The following RELN variants were observed in gnomAD, a reference collection of about 807,000 sequenced individuals.
RELN encodes reelin.
A neutral mutation model predicts 427.6 loss-of-function variants in RELN; 108 were observed. The ratio of observed to expected loss-of-function variants is 0.25; its 90% CI spans 0.22 to 0.30. The LOEUF (loss-of-function observed/expected upper bound fraction) is 0.30, where lower values mean the gene tolerates loss of function less well. Among genes scored for constraint, RELN ranks in the 10% least tolerant of loss-of-function variants. The probability of loss-of-function intolerance (pLI) is 1.00; values close to 1 mark genes in which losing one functional copy is unlikely to be tolerated. For synonymous variants in RELN, 1,524 were observed against 1,513.4 expected (o/e 1.01, Z -0.16); for missense variants, 3,715 against 4,302.8 (o/e 0.86, Z 3.82).
intron 28 of RELN, among the ~76,000 whole-genome samples, chr7:103,580,170 A>G (rs1279866264): frequency 2.0e-5 from 3 of 152,256 alleles, no homozygotes; most frequent in Non-Finnish European, 4.4e-5. Flanking sequence ...CTCATGGCAA[A>G]ACAGCTCCAA....
chr7:103,840,350 T>C (rs891815247), intron 2 of RELN, among the ~76,000 whole-genome samples: 19 of 152,240 alleles, frequency 1.2e-4, no homozygotes, highest in African/African-American at 4.6e-4. Context: ...TCCGTATTTG[T>C]TTTTATTTAC....
chr7:103,521,477 C>A (rs1829708302), intron 48 of RELN, among the ~76,000 whole-genome samples: 1 of 152,090 alleles, frequency 6.6e-6, no homozygotes, highest in Non-Finnish European at 1.5e-5. Flanking sequence ...ATTATTCTTT[C>A]CTGGACAACC....
chr7:103,987,632 G>T (rs556775669), intron 1 of RELN, among the ~76,000 whole-genome samples: 1 of 152,224 alleles, frequency 6.6e-6, no homozygotes, highest in South Asian at 2.1e-4. Flanking sequence ...AGAGTCGCAC[G>T]GAGCAGCAGG....
At chr7:103,614,594 A>ACTGTGGAACAGAAACAAG (rs566923366) in intron 20 of RELN, among the ~76,000 whole-genome samples, 1,721 of 152,320 alleles carry the variant, frequency 0.011, 46 homozygotes, top group African/African-American at 0.04. Context: ...GAAAAGTGAG[A>ACTGTGGAACAGAAACAAG]GAGCCTGGGT....
intron 28 of RELN, among the ~76,000 whole-genome samples, chr7:103,582,313 T>C (rs908298936): frequency 6.6e-6 from 1 of 152,258 alleles, no homozygotes; most frequent in African/African-American, 2.4e-5. Context: ...TCTGTCATAG[T>C]AGCTGGGTCT....
intron 11 of RELN, among the ~76,000 whole-genome samples, chr7:103,671,746 ACTGT>A (rs1329256199): frequency 1.2e-4 from 19 of 152,260 alleles, no homozygotes; most frequent in African/African-American, 4.1e-4. Context: ...CAAAAGATAA[ACTGT>A]CTGCACTTTA....
chr7:103,889,197 G>T lies in RELN; in HGVS notation c.337+27878C>A, dbSNP rs187332424. Among the ~76,000 whole-genome samples the T allele has an allele frequency of 8.4e-4, 128 of 152,308 alleles. 1 individual carries two copies. In the Middle Eastern group the frequency reaches 0.014, roughly 16 times the overall value. On this transcript the variant is annotated intron_variant, in intron 2 of 64. Transcript: ENST00000428762. Reference sequence around the variant, plus strand: ...AAGATCCCAGACTGCTTTAGAACATGAAAACAATCTATACTTCATGCAATG... The same window carrying T: ...AAGATCCCAGACTGCTTTAGAACATTAAAACAATCTATACTTCATGCAATG...
intron 2 of RELN, among the ~76,000 whole-genome samples, chr7:103,879,384 A>C (rs906004221): frequency 6.6e-6 from 1 of 152,322 alleles, no homozygotes; most frequent in Admixed American, 6.5e-5. Flanking sequence ...TGGAGTTATC[A>C]AGGGTAGAAA....
intron 8 of RELN, among the ~76,000 whole-genome samples, chr7:103,720,289 G>A (rs1790044055): frequency 6.6e-6 from 1 of 151,866 alleles, no homozygotes; most frequent in Non-Finnish European, 1.5e-5. Context: ...AGCAATTTTT[G>A]TATGAGGAAC....
At chr7:103,524,772 C>CTAAAATTTCAA (rs1829786694) in intron 46 of RELN, among the ~76,000 whole-genome samples, 1 of 152,136 alleles carries the variant, frequency 6.6e-6, no homozygotes, top group Admixed American at 6.5e-5. Flanking sequence ...AAAATCTTCA[C>CTAAAATTTCAA]CTGAAATGAA....
At chr7:103,745,693 G>C (rs575930269) in intron 6 of RELN, among the ~76,000 whole-genome samples, 1 of 149,490 alleles carries the variant, frequency 6.7e-6, no homozygotes, top group African/African-American at 2.5e-5. Flanking sequence ...AAAATACCTA[G>C]GAATCCAACT....
chr7:103,565,269 A>T lies in RELN; in HGVS notation c.5210+9T>A. 1 of 1,614,100 alleles carries T rather than the reference A, an allele frequency of 6.2e-7. No individual in the cohort carries two copies. The highest frequency in any genetic ancestry group is 1.1e-5 in the South Asian group (1 of 91,080). ...AAGTTCTGACATGTAGCCAAATGAC[A>T]ATTCTCACATGGTGGAGAGTGGAAG... On this transcript the variant is annotated intron_variant, in intron 34 of 64. Transcript: ENST00000428762.
At position 103,799,269 on chromosome 7, in the gene RELN, G is replaced by A. The variant is rs145810179; in HGVS notation, c.474-22642C>T. On this transcript the variant is annotated intron_variant, in intron 3 of 64. Coordinates refer to ENST00000428762, the MANE Select transcript of RELN (RefSeq NM_005045.4). ...GAAATCACACAGCTATGATAAAGAT[G>A]GTCTCAAATAATGCATTATCTACCC... 3.8e-3 allele frequency among the ~76,000 whole-genome samples: 575 copies of A among 152,144 alleles called. 5 individuals carry two copies. The highest frequency in any genetic ancestry group is 0.013 in the African/African-American group (549 of 41,508).
intron 8 of RELN, among the ~76,000 whole-genome samples, chr7:103,712,792 C>G (rs375461427): frequency 5.8e-4 from 88 of 152,226 alleles, no homozygotes; most frequent in South Asian, 3.1e-3. Context: ...GAGTCTGTAT[C>G]TTCAAGAATT....
At chr7:103,532,441 C>G (rs535834956) in intron 46 of RELN, among the ~76,000 whole-genome samples, 1 of 151,146 alleles carries the variant, frequency 6.6e-6, no homozygotes, top group Non-Finnish European at 1.5e-5. Context: ...CACATGGAAC[C>G]CTGAACTTAA....
chr7:103,495,175 CTTTTTT>C lies in RELN; in HGVS notation c.9369+542_9369+547del, dbSNP rs68172294. 4.0e-5 allele frequency among the ~76,000 whole-genome samples: 5 copies of C among 125,380 alleles called. No individual in the cohort carries two copies. In the East Asian group the frequency reaches 6.9e-4, roughly 17 times the overall value. 82.3% of individuals were successfully genotyped at this position (125,380 alleles called of 152,430 possible). A position where few individuals can be genotyped will look rare whatever the true frequency, so the allele number is the denominator to read the frequency against. On this transcript the variant is annotated intron_variant, in intron 57 of 64. Coordinates refer to ENST00000428762, the MANE Select transcript of RELN (RefSeq NM_005045.4). ...AAAGAATTGGCATTAAAAGTAATTC[CTTTTTT>C]TTTTTTTTTTTTTTGAGACAGAATC... is the stretch of plus-strand genomic sequence containing the variant.
At chr7:103,739,234 A>T (rs1206812912) in intron 6 of RELN, among the ~76,000 whole-genome samples, 2 of 152,250 alleles carry the variant, frequency 1.3e-5, no homozygotes, top group African/African-American at 2.4e-5. Flanking sequence ...ATTATAGTGC[A>T]ATAATTTAAT....
At chr7:103,750,063 T>C (rs1790958046) in intron 5 of RELN, among the ~76,000 whole-genome samples, 1 of 152,206 alleles carries the variant, frequency 6.6e-6, no homozygotes, top group Non-Finnish European at 1.5e-5. Context: ...CACTGCAACC[T>C]TAGTCTCCTG....
chr7:103,890,155 C>G (rs897361009), intron 2 of RELN, among the ~76,000 whole-genome samples: 6 of 151,874 alleles, frequency 4.0e-5, no homozygotes, highest in Non-Finnish European at 7.4e-5. Flanking sequence ...ACCATTGATA[C>G]TGCAGTTATA....
Sources: allele counts gnomAD v4.1 joint callset (sites outside exome capture counted in the v4.1 genomes callset), GRCh38; gene constraint gnomAD v4.1.1; transcripts MANE v1.5; gene names NCBI Gene and HGNC (gene_info 2026-07-23, HGNC 2026-07-21).